The following LINGO2 variants were observed in gnomAD, a reference collection of about 807,000 sequenced individuals.
The protein encoded by LINGO2 is leucine rich repeat and Ig domain containing 2.
A neutral mutation model predicts 30.6 loss-of-function variants in LINGO2; 14 were observed. That is an observed-to-expected ratio of 0.46 (90% CI 0.30 to 0.72). The LOEUF (loss-of-function observed/expected upper bound fraction) is 0.72. Ranked by LOEUF, LINGO2 falls within the 30% of genes least tolerant of loss-of-function variation. The pLI is 0.07. For synonymous variants in LINGO2, 317 were observed against 288.5 expected (o/e 1.10, Z -1.00); for missense variants, 729 against 751.7 (o/e 0.97, Z 0.35).
chr9:28,488,335 T>G (rs1326924863), intron 1 of LINGO2, among the ~76,000 whole-genome samples: 1 of 152,170 alleles, frequency 6.6e-6, no homozygotes, highest in South Asian at 2.1e-4. Flanking sequence ...CTGAATACTG[T>G]AGCAAAGAAA....
the LINGO2 span, among the ~76,000 whole-genome samples, chr9:28,903,254 A>C: frequency 6.6e-6 from 1 of 152,314 alleles, no homozygotes; most frequent in African/African-American, 2.4e-5. Flanking sequence ...GTATAAGCCA[A>C]CAAATTGGAC....
chr9:28,775,815 T>C, the LINGO2 span, among the ~76,000 whole-genome samples: 32 of 152,350 alleles, frequency 2.1e-4, no homozygotes, highest in Non-Finnish European at 3.7e-4. Flanking sequence ...GGGGAAAATA[T>C]ACTTTGTTCG....
intron 3 of LINGO2, among the ~76,000 whole-genome samples, chr9:28,339,024 G>T (rs1825680392): frequency 6.6e-6 from 1 of 152,030 alleles, no homozygotes; most frequent in African/African-American, 2.4e-5. Flanking sequence ...TATTGTCTTG[G>T]AGCACAGCCT....
the LINGO2 span, among the ~76,000 whole-genome samples, chr9:29,128,261 A>G: frequency 6.6e-6 from 1 of 151,998 alleles, no homozygotes; most frequent in South Asian, 2.1e-4. Flanking sequence ...AACATCTCCA[A>G]AGGGGATGCC....
chr9:29,189,453 G>C, the LINGO2 span, among the ~76,000 whole-genome samples: 2 of 151,692 alleles, frequency 1.3e-5, no homozygotes, highest in African/African-American at 4.8e-5. Flanking sequence ...CCTCCCAGAC[G>C]GGGTCGCGCC....
chr9:29,088,731 G>T, the LINGO2 span, among the ~76,000 whole-genome samples: 1 of 151,844 alleles, frequency 6.6e-6, no homozygotes, highest in South Asian at 2.1e-4. Context: ...CAGTTCTTCA[G>T]TTTAAAATGA....
the LINGO2 span, among the ~76,000 whole-genome samples, chr9:28,879,259 T>G: frequency 6.6e-6 from 1 of 152,050 alleles, no homozygotes; most frequent in Non-Finnish European, 1.5e-5. Flanking sequence ...TATTATTTTT[T>G]AATAGGAGAG....
chr9:28,534,493 C>T (rs7047431), intron 1 of LINGO2, among the ~76,000 whole-genome samples: 12,280 of 152,126 alleles, frequency 0.081, 1,026 homozygotes, highest in African/African-American at 0.21. Context: ...ACCAAGATAT[C>T]GTACTATAGC....
At chr9:28,168,561 T>C (rs1828495887) in intron 4 of LINGO2, among the ~76,000 whole-genome samples, 1 of 152,264 alleles carries the variant, frequency 6.6e-6, no homozygotes, top group African/African-American at 2.4e-5. Context: ...ACATTGCTAA[T>C]AGCCTGCTTT....
chr9:28,410,812 T>C (rs1822730843), intron 2 of LINGO2, among the ~76,000 whole-genome samples: 1 of 152,144 alleles, frequency 6.6e-6, no homozygotes, highest in South Asian at 2.1e-4. Flanking sequence ...ATTTTTATTC[T>C]GATAAAATAT....
At chr9:28,514,404 T>C (rs1279427445) in intron 1 of LINGO2, among the ~76,000 whole-genome samples, 1 of 152,156 alleles carries the variant, frequency 6.6e-6, no homozygotes, top group African/African-American at 2.4e-5. Context: ...AGATAAGTTG[T>C]GAATGCAAAG....
intron 4 of LINGO2, among the ~76,000 whole-genome samples, chr9:28,277,735 G>A (rs980397381): frequency 6.6e-6 from 1 of 151,948 alleles, no homozygotes; most frequent in African/African-American, 2.4e-5. Context: ...CTTGAACCCA[G>A]GAGGTGGAGG....
intron 1 of LINGO2, among the ~76,000 whole-genome samples, chr9:28,636,829 G>C (rs981858851): frequency 2.0e-5 from 3 of 152,126 alleles, no homozygotes; most frequent in African/African-American, 7.2e-5. Context: ...AGTTTAATTA[G>C]ATCCCATTTA....
the LINGO2 span, among the ~76,000 whole-genome samples, chr9:28,950,457 C>T: frequency 6.6e-6 from 1 of 152,116 alleles, no homozygotes; most frequent in African/African-American, 2.4e-5. Flanking sequence ...GTCAAATTGT[C>T]TCTGCTTGCA....
intron 4 of LINGO2, among the ~76,000 whole-genome samples, chr9:28,103,842 G>C (rs1444522691): frequency 6.6e-6 from 1 of 152,114 alleles, no homozygotes; most frequent in Non-Finnish European, 1.5e-5. Flanking sequence ...TGAATACCCA[G>C]AGAGTTCATT....
chr9:28,525,822 A>G lies in LINGO2; in HGVS notation c.-364-49797T>C, dbSNP rs376857689. 1.6e-4 allele frequency among the ~76,000 whole-genome samples: 24 copies of G among 152,196 alleles called. No homozygotes were observed. The East Asian group carries it at 2.5e-3, about 16-fold the overall frequency. Reference sequence around the variant, plus strand: ...TGTAATCTCAGCACTTTGGGAGGCCAAGGTGGGCGGATCACGAGGTCAGGA... The same window carrying G: ...TGTAATCTCAGCACTTTGGGAGGCCGAGGTGGGCGGATCACGAGGTCAGGA... On this transcript the variant is annotated intron_variant, in intron 1 of 5. Coordinates refer to ENST00000379992, the Ensembl canonical transcript of LINGO2.
intron 4 of LINGO2, among the ~76,000 whole-genome samples, chr9:28,094,006 C>CTAG (rs2133279439): frequency 6.6e-6 from 1 of 152,150 alleles, no homozygotes; most frequent in East Asian, 1.9e-4. Context: ...GATCTGGCAG[C>CTAG]TAGTAGAGGA....
the LINGO2 span, among the ~76,000 whole-genome samples, chr9:29,146,940 A>T: frequency 2.0e-5 from 3 of 152,168 alleles, no homozygotes; most frequent in Non-Finnish European, 4.4e-5. Flanking sequence ...AAAAAGTATC[A>T]ATGATTTCAA....
the LINGO2 span, among the ~76,000 whole-genome samples, chr9:29,185,819 C>T: frequency 1.3e-5 from 2 of 152,106 alleles, no homozygotes; most frequent in East Asian, 3.9e-4. Flanking sequence ...CACCACAGAA[C>T]CAAAGTATAT....
Sources: allele counts gnomAD v4.1 joint callset (sites outside exome capture counted in the v4.1 genomes callset), GRCh38; gene constraint gnomAD v4.1.1; transcripts MANE v1.5; gene names NCBI Gene and HGNC (gene_info 2026-07-23, HGNC 2026-07-21).